The following MSH3 variants were observed in gnomAD, a reference collection of about 807,000 sequenced individuals.
MSH3 encodes mutS homolog 3.
MSH3 carries 106 observed loss-of-function variants against 123.3 expected under a neutral mutation model. That is an observed-to-expected ratio of 0.86 (90% CI 0.73 to 1.01). The LOEUF (loss-of-function observed/expected upper bound fraction) is 1.01, where lower values mean the gene tolerates loss of function less well. MSH3 is among the 50% of genes least tolerant of loss of function. The probability of loss-of-function intolerance (pLI) is 0.00; values close to 1 mark genes in which losing one functional copy is unlikely to be tolerated. For synonymous variants in MSH3, 515 were observed against 481.4 expected (o/e 1.07, Z -0.91); for missense variants, 1,459 against 1,347.6 (o/e 1.08, Z -1.29).
At chr5:80,846,053 G>T (rs1745714445) in intron 20 of MSH3, among the ~76,000 whole-genome samples, 3 of 152,236 alleles carry the variant, frequency 2.0e-5, no homozygotes, top group African/African-American at 7.2e-5. Flanking sequence ...ATCTACCTTT[G>T]TTCTTTGATG....
chr5:80,774,029 A>C (rs773412346), intron 15 of MSH3, among the ~76,000 whole-genome samples: 1 of 152,126 alleles, frequency 6.6e-6, no homozygotes, highest in Admixed American at 6.6e-5. Context: ...CAGCCTCCCA[A>C]AGTGCTGGGA....
intron 15 of MSH3, among the ~76,000 whole-genome samples, chr5:80,774,558 C>CT (rs1472015722): frequency 1.3e-5 from 2 of 152,132 alleles, no homozygotes; most frequent in South Asian, 2.1e-4. Context: ...TGGAAACAAA[C>CT]TAAGTGTCCA....
chr5:80,693,592 T>C (rs1004766786), intron 8 of MSH3, among the ~76,000 whole-genome samples: 4 of 108,014 alleles, frequency 3.7e-5, no homozygotes, highest in African/African-American at 1.5e-4. Flanking sequence ...TATATAAATA[T>C]ATATAAACAT....
intron 10 of MSH3, among the ~76,000 whole-genome samples, chr5:80,737,130 T>C (rs1743524975): frequency 6.6e-6 from 1 of 152,222 alleles, no homozygotes; most frequent in Non-Finnish European, 1.5e-5. Context: ...CCCTGAAGTT[T>C]TGTAATATAG....
At chr5:80,819,956 A>G (rs1022408429) in intron 20 of MSH3, among the ~76,000 whole-genome samples, 1 of 152,236 alleles carries the variant, frequency 6.6e-6, no homozygotes, top group African/African-American at 2.4e-5. Flanking sequence ...GCTCAAGTGC[A>G]GTAAGGGAGA....
At chr5:80,692,812 GATAA>G (rs1331597757) in intron 8 of MSH3, among the ~76,000 whole-genome samples, 6 of 126,408 alleles carry the variant, frequency 4.7e-5, no homozygotes, top group African/African-American at 1.8e-4. Flanking sequence ...TATATGTTTA[GATAA>G]ATATACATAC....
At chr5:80,698,692 T>C (rs1371821250) in intron 8 of MSH3, among the ~76,000 whole-genome samples, 1 of 151,878 alleles carries the variant, frequency 6.6e-6, no homozygotes, top group Non-Finnish European at 1.5e-5. Flanking sequence ...CTCAGCAAAC[T>C]GTCGCAAGGA....
chr5:80,797,676 C>T (rs1305880396), intron 19 of MSH3, among the ~76,000 whole-genome samples: 1 of 152,214 alleles, frequency 6.6e-6, no homozygotes, highest in Non-Finnish European at 1.5e-5. Flanking sequence ...TAAGGCAAGC[C>T]AGTGCTTTCC....
chr5:80,682,918 T>C (rs1750003166), intron 8 of MSH3, among the ~76,000 whole-genome samples: 2 of 152,200 alleles, frequency 1.3e-5, no homozygotes, highest in South Asian at 4.1e-4. Flanking sequence ...TTCAGTTGTT[T>C]TAATTTTTAG....
intron 9 of MSH3, 24 bp from the exon 10 acceptor site, chr5:80,728,827 A>C: frequency 8.4e-7 from 1 of 1,196,344 alleles, no homozygotes; most frequent in Non-Finnish European, 1.2e-6. Flanking sequence ...TTTTTATAAC[A>C]AGTTAATATA....
chr5:80,656,613 G>C, intron 2 of MSH3, 82 bp downstream of exon 2: 1 of 1,580,084 alleles, frequency 6.3e-7, no homozygotes, highest in Non-Finnish European at 8.7e-7. Flanking sequence ...GAGCGTATTA[G>C]AATTGTGTCT....
chr5:80,674,574 G>C (rs1203069087), intron 6 of MSH3, among the ~76,000 whole-genome samples: 1 of 152,096 alleles, frequency 6.6e-6, no homozygotes, highest in Non-Finnish European at 1.5e-5. Context: ...AAGCCCTTTG[G>C]AAGTAAGATA....
chr5:80,842,851 C>T (rs1012786206), intron 20 of MSH3, among the ~76,000 whole-genome samples: 1 of 152,146 alleles, frequency 6.6e-6, no homozygotes. Flanking sequence ...CATCTGCAAA[C>T]AGGGACAATT....
At chr5:80,749,449 G>A (rs865811341) in intron 12 of MSH3, among the ~76,000 whole-genome samples, 7 of 152,140 alleles carry the variant, frequency 4.6e-5, no homozygotes, top group Admixed American at 6.5e-5. Context: ...AGCCACACTG[G>A]CAGCTGATTA....
At chr5:80,763,259 C>T (rs995564922) in intron 13 of MSH3, among the ~76,000 whole-genome samples, 5 of 152,188 alleles carry the variant, frequency 3.3e-5, no homozygotes, top group Admixed American at 6.5e-5. Flanking sequence ...TCTAAGAATA[C>T]TTGAGGTGCC....
chr5:80,779,764 C>G (rs1744376846), intron 17 of MSH3, among the ~76,000 whole-genome samples: 1 of 151,516 alleles, frequency 6.6e-6, no homozygotes, highest in Non-Finnish European at 1.5e-5. Flanking sequence ...CGGGGTTTCA[C>G]CGTGTTAGCC....
At chr5:80,680,162 A>G (rs857016) in intron 8 of MSH3, among the ~76,000 whole-genome samples, 38,324 of 151,560 alleles carry the variant, frequency 0.25, 4,971 homozygotes, top group Middle Eastern at 0.33. Flanking sequence ...CCGGAGGCTG[A>G]GGCAGGATAA....
chr5:80,751,163 G>A (rs894218264), intron 12 of MSH3, among the ~76,000 whole-genome samples: 5 of 152,152 alleles, frequency 3.3e-5, no homozygotes, highest in African/African-American at 1.2e-4. Context: ...TAACTTGTTA[G>A]AGCATGTCTC....
chr5:80,848,583 G>A (rs964824722), intron 20 of MSH3, among the ~76,000 whole-genome samples: 2 of 152,200 alleles, frequency 1.3e-5, no homozygotes, highest in African/African-American at 4.8e-5. Context: ...GCAAGGGAGA[G>A]CAAGTCACAT....
Sources: allele counts gnomAD v4.1 joint callset (sites outside exome capture counted in the v4.1 genomes callset), GRCh38; gene constraint gnomAD v4.1.1; transcripts MANE v1.5; gene names NCBI Gene and HGNC (gene_info 2026-07-23, HGNC 2026-07-21).